Variants in GCH1 observed in about 807,000 individuals in gnomAD.
GCH1 encodes the protein GTP cyclohydrolase I.
GCH1 carries 5 observed loss-of-function variants against 25.9 expected under a neutral mutation model. The observed-to-expected ratio is 0.19, with a 90% CI of 0.10 to 0.41. The LOEUF is 0.41. GCH1 is among the 10% of genes least tolerant of loss of function. The probability of loss-of-function intolerance (pLI) is 1.00; values close to 1 mark genes in which losing one functional copy is unlikely to be tolerated. For missense variants in GCH1, 261 were observed against 336.5 expected (o/e 0.78, Z 1.75); for synonymous variants, 159 against 129.6 (o/e 1.23, Z -1.54).
intron 3 of GCH1, among the ~76,000 whole-genome samples, chr14:54,847,973 C>A (rs534182709): frequency 2.0e-5 from 3 of 152,220 alleles, no homozygotes; most frequent in Non-Finnish European, 4.4e-5. Flanking sequence ...AACTACTATA[C>A]CAACTAAACC....
chr14:54,869,600 C>T (rs1037669429), intron 1 of GCH1, among the ~76,000 whole-genome samples: 1 of 152,214 alleles, frequency 6.6e-6, no homozygotes, highest in African/African-American at 2.4e-5. Context: ...CCTGCCTCAG[C>T]CTCCTGAGTA....
At chr14:54,875,238 A>C (rs2040140767) in intron 1 of GCH1, among the ~76,000 whole-genome samples, 1 of 152,246 alleles carries the variant, frequency 6.6e-6, no homozygotes, top group Non-Finnish European at 1.5e-5. Context: ...ATCCCTGTTT[A>C]ATAAATGGTG....
In GCH1 at chr14:54,842,763, T is replaced by C; in HGVS notation, c.*1254A>G. The stretch of plus-strand genomic sequence containing the variant: ...TGTGTTTCTGTGGAGGAGTTGCGGT[T>C]TTGTTTGTTTTAATTTGGCCCACGC... On this transcript the variant is annotated 3_prime_UTR_variant, in exon 6 of 6. Coordinates refer to ENST00000491895, the MANE Select transcript of GCH1 (RefSeq NM_000161.3). The C allele has an allele frequency of 2.7e-6, 1 of 376,544 alleles. No individual in the cohort carries two copies. The highest frequency in any genetic ancestry group is 3.9e-5 in the East Asian group (1 of 25,650). The allele number at this position is 376,544 out of a possible 1,614,324, so 23.3% of individuals were successfully genotyped here.
In GCH1 at chr14:54,902,311, G is replaced by A. The variant is rs1227665541; in HGVS notation, c.343+10C>T. On this transcript the variant is annotated intron_variant, in intron 1 of 5. Transcript: ENST00000491895. The stretch of plus-strand genomic sequence containing the variant: ...GCCCGCACGCTCTAGCAGCCCGCGG[G>A]CGCACTGACCTGAGATGGTCTCCTG... 2.5e-6 allele frequency: 4 copies of A among 1,611,408 alleles called. No individual in the cohort carries two copies. The highest frequency in any genetic ancestry group is 2.7e-5 in the African/African-American group (2 of 74,906).
chr14:54,883,170 G>A (rs1373564328), intron 1 of GCH1, among the ~76,000 whole-genome samples: 6 of 151,008 alleles, frequency 4.0e-5, no homozygotes, highest in South Asian at 2.1e-4. Context: ...TCAGGAATTC[G>A]AGACCAGCCT....
chr14:54,843,244 T>C lies in GCH1; in HGVS notation c.*773A>G. ...AGTGTGAGTACTAAGTCTCATAAAA[T>C]AATGGCTTTTTTAAAAAGGCAAAAG... is the stretch of plus-strand genomic sequence containing the variant. On this transcript the variant is annotated 3_prime_UTR_variant, in exon 6 of 6. Coordinates refer to ENST00000491895, the MANE Select transcript of GCH1 (RefSeq NM_000161.3). 3 of 1,394,548 alleles carry C rather than the reference T, an allele frequency of 2.2e-6. No individual in the cohort carries two copies. Among genetic ancestry groups the C allele is most frequent in the African/African-American group, 1.5e-5 (1 of 68,832 alleles). 86.4% of individuals were successfully genotyped at this position (1,394,548 alleles called of 1,614,324 possible).
rs576120404 is a variant in GCH1, at chr14:54,850,494, T to A, written c.510-3364A>T. Reference sequence around the variant, plus strand: ...CATCCAGCTAATTTGTTTTTTTTTTTAATTATTATTATACTTTAAGTTCTA... The same window carrying A: ...CATCCAGCTAATTTGTTTTTTTTTTAAATTATTATTATACTTTAAGTTCTA... On this transcript the variant is annotated intron_variant, in intron 3 of 5. Transcript: ENST00000491895. Among the ~76,000 whole-genome samples the A allele has an allele frequency of 4.8e-4, 73 of 151,890 alleles. 1 individual carries two copies. The highest frequency in any genetic ancestry group is 9.7e-4 in the African/African-American group (40 of 41,440).
At chr14:54,857,460 TC>T (rs1189755304) in intron 3 of GCH1, among the ~76,000 whole-genome samples, 1 of 152,236 alleles carries the variant, frequency 6.6e-6, no homozygotes, top group Non-Finnish European at 1.5e-5. Flanking sequence ...CCTAATGTGA[TC>T]TGCCAAGCTT....
At chr14:54,858,052 C>T (rs1385577176) in intron 3 of GCH1, among the ~76,000 whole-genome samples, 2 of 152,042 alleles carry the variant, frequency 1.3e-5, no homozygotes, top group Non-Finnish European at 2.9e-5. Flanking sequence ...TATTGATCCC[C>T]AGAGGAAATG....
In GCH1 at chr14:54,897,658, T is replaced by G. The variant is rs149649464; in HGVS notation, c.343+4663A>C. Among the ~76,000 whole-genome samples, 449 of 152,250 alleles carry G rather than the reference T, an allele frequency of 2.9e-3. 3 individuals are homozygous for G. Among genetic ancestry groups the G allele is most frequent in the African/African-American group, 0.011 (439 of 41,552 alleles). On this transcript the variant is annotated intron_variant, in intron 1 of 5. Coordinates refer to ENST00000491895, the MANE Select transcript of GCH1 (RefSeq NM_000161.3). ...AAATATACAGATAGGGTACACTGAT[T>G]CAGTTCTCTCTGTAGCAGTATAAGG...
chr14:54,893,075 C>T lies in GCH1; in HGVS notation c.343+9246G>A, dbSNP rs149591874. On this transcript the variant is annotated intron_variant, in intron 1 of 5. Transcript: ENST00000491895. Reference sequence around the variant, plus strand: ...GCCTGGGTGACAGAGCAAGACTCTGCCTCCAAATAAATAAATATTTCTACT... The same window carrying T: ...GCCTGGGTGACAGAGCAAGACTCTGTCTCCAAATAAATAAATATTTCTACT... Among the ~76,000 whole-genome samples, 1,443 of 152,238 alleles carry T rather than the reference C, an allele frequency of 9.5e-3. 29 individuals carry two copies. Among genetic ancestry groups the T allele is most frequent in the African/African-American group, 0.033 (1,356 of 41,538 alleles).
At chr14:54,850,883 G>A (rs952604207) in intron 3 of GCH1, among the ~76,000 whole-genome samples, 4 of 152,200 alleles carry the variant, frequency 2.6e-5, no homozygotes, top group East Asian at 1.9e-4. Flanking sequence ...TATCACTGAT[G>A]GACATTTGGG....
chr14:54,875,862 A>G (rs992344455), intron 1 of GCH1, among the ~76,000 whole-genome samples: 3 of 152,204 alleles, frequency 2.0e-5, no homozygotes, highest in South Asian at 2.1e-4. Context: ...TGCTGGAGAG[A>G]ATGTGGAGAA....
chr14:54,853,525 T>C (rs966649754), intron 3 of GCH1, among the ~76,000 whole-genome samples: 1 of 152,142 alleles, frequency 6.6e-6, no homozygotes, highest in Non-Finnish European at 1.5e-5. Context: ...AAGTGTAAAA[T>C]GTACATATGC....
intron 1 of GCH1, among the ~76,000 whole-genome samples, chr14:54,871,824 C>T (rs1157150260): frequency 1.3e-5 from 2 of 152,112 alleles, no homozygotes; most frequent in African/African-American, 2.4e-5. Context: ...ATGAACAAAG[C>T]CTCCAAGAAA....
intron 1 of GCH1, among the ~76,000 whole-genome samples, chr14:54,893,485 T>C (rs3783642): frequency 0.5 from 75,802 of 151,970 alleles, 20,111 homozygotes; most frequent in African/African-American, 0.67. Flanking sequence ...ACAAAGCAAA[T>C]AGCAGAGAAA....
rs145304083 is a variant in GCH1, at chr14:54,850,025, A to C, written c.510-2895T>G. 8.3e-4 allele frequency among the ~76,000 whole-genome samples: 126 copies of C among 152,138 alleles called. 2 individuals are homozygous for C. The East Asian group carries it at 0.013, about 16-fold the overall frequency. ...AGTCTTGCTCTGTTGCCCAGGCTGG[A>C]GTGCAGCAGCACAATCTTAGCTCAT... is the stretch of plus-strand genomic sequence containing the variant. On this transcript the variant is annotated intron_variant, in intron 3 of 5. Transcript: ENST00000491895.
intron 1 of GCH1, among the ~76,000 whole-genome samples, chr14:54,886,845 CA>C (rs1482409332): frequency 2.0e-5 from 3 of 152,170 alleles, no homozygotes; most frequent in Admixed American, 2.0e-4. Context: ...AAACACGCAT[CA>C]GGGGTTATTG....
At chr14:54,882,645 G>A (rs2040287557) in intron 1 of GCH1, among the ~76,000 whole-genome samples, 1 of 152,000 alleles carries the variant, frequency 6.6e-6, no homozygotes, top group African/African-American at 2.4e-5. Context: ...GTGATAACAA[G>A]GTCTAGTTCA....
Sources: allele counts gnomAD v4.1 joint callset (sites outside exome capture counted in the v4.1 genomes callset), GRCh38; gene constraint gnomAD v4.1.1; transcripts MANE v1.5; gene names NCBI Gene and HGNC (gene_info 2026-07-23, HGNC 2026-07-21).